The following NXN variants were observed in gnomAD, a reference collection of about 807,000 sequenced individuals.
NXN encodes nucleoredoxin 1.
In NXN, 16 loss-of-function variants were observed where a neutral mutation model predicts 48.6. That is an observed-to-expected ratio of 0.33 (90% CI 0.22 to 0.50). The LOEUF is 0.50. Among genes scored for constraint, NXN ranks in the 20% least tolerant of loss-of-function variants. The probability of loss-of-function intolerance (pLI) is 0.98; values close to 1 mark genes in which losing one functional copy is unlikely to be tolerated. For missense variants in NXN, 492 were observed against 605.5 expected (o/e 0.81, Z 1.97); for synonymous variants, 281 against 269.6 (o/e 1.04, Z -0.41).
At chr17:848,670 C>T (rs981874362) in intron 1 of NXN, among the ~76,000 whole-genome samples, 2 of 152,206 alleles carry the variant, frequency 1.3e-5, no homozygotes, top group Admixed American at 6.5e-5. Context: ...TCAAAGGGGC[C>T]ACCACACGAT....
intron 5 of NXN, among the ~76,000 whole-genome samples, chr17:814,732 T>C (rs1200987706): frequency 1.3e-5 from 2 of 152,080 alleles, no homozygotes; most frequent in Non-Finnish European, 2.9e-5. Context: ...ACGCACTCAA[T>C]ACATCAAATC....
intron 1 of NXN, among the ~76,000 whole-genome samples, chr17:950,006 C>T (rs746399425): frequency 6.6e-6 from 1 of 152,078 alleles, no homozygotes; most frequent in Admixed American, 6.5e-5. Context: ...AATTAGTAGG[C>T]TGAAGACAGC....
intron 1 of NXN, among the ~76,000 whole-genome samples, chr17:931,828 C>T (rs915374251): frequency 2.2e-5 from 2 of 92,090 alleles, no homozygotes; most frequent in Non-Finnish European, 4.3e-5. Flanking sequence ...GAGTAAGACT[C>T]CGTCTCAAAA....
chr17:843,985 CCT>C (rs1461991349), intron 1 of NXN, among the ~76,000 whole-genome samples: 1 of 152,222 alleles, frequency 6.6e-6, no homozygotes, highest in Non-Finnish European at 1.5e-5. Flanking sequence ...ACGGTCATTC[CCT>C]GTCGCTTTGG....
intron 4 of NXN, 39 bp downstream of exon 4, chr17:822,318 C>G: frequency 7.1e-7 from 1 of 1,417,762 alleles, no homozygotes; most frequent in East Asian, 2.3e-5. Flanking sequence ...TGTCAGCTAC[C>G]TACAGAAAAG....
chr17:917,309 T>C lies in NXN; in HGVS notation c.360+62010A>G, dbSNP rs973970347. Reference sequence around the variant, plus strand: ...GGCGCCCGCCACCATGCCCAGCTAATTTTTTGTATTTTTAGTAGAGACGGG... The same window carrying C: ...GGCGCCCGCCACCATGCCCAGCTAACTTTTTGTATTTTTAGTAGAGACGGG... On this transcript the variant is annotated intron_variant, in intron 1 of 7. Coordinates refer to ENST00000336868, the MANE Select transcript of NXN (RefSeq NM_022463.5). The surrounding 1 kb of genome is among the most constrained non-coding windows in gnomAD (Gnocchi z 4.5). 1.1e-4 allele frequency among the ~76,000 whole-genome samples: 16 copies of C among 152,124 alleles called. No homozygotes were observed. The highest frequency in any genetic ancestry group is 1.9e-4 in the Non-Finnish European group (13 of 68,020).
chr17:947,502 G>A (rs553300377), intron 1 of NXN, among the ~76,000 whole-genome samples: 2 of 151,870 alleles, frequency 1.3e-5, no homozygotes, highest in Admixed American at 6.6e-5. Flanking sequence ...GGAGGCCGAG[G>A]TGGGCGGATC....
chr17:875,976 G>T (rs1197711238), intron 1 of NXN, among the ~76,000 whole-genome samples: 1 of 152,076 alleles, frequency 6.6e-6, no homozygotes. Context: ...GAGGTCAGGA[G>T]ATCAAGACCA....
At chr17:928,494 A>G (rs1006478331) in intron 1 of NXN, among the ~76,000 whole-genome samples, 1 of 152,164 alleles carries the variant, frequency 6.6e-6, no homozygotes, top group Non-Finnish European at 1.5e-5. Context: ...TTCTAAAAAG[A>G]TCCATTCTGG....
intron 1 of NXN, among the ~76,000 whole-genome samples, chr17:936,945 G>A (rs1168459213): frequency 1.3e-5 from 2 of 151,984 alleles, no homozygotes; most frequent in East Asian, 1.9e-4. Context: ...GCTCACGCCT[G>A]TAATCCCAGC....
chr17:959,685 T>A (rs1479145108), intron 1 of NXN, among the ~76,000 whole-genome samples: 1 of 151,102 alleles, frequency 6.6e-6, no homozygotes, highest in Admixed American at 6.6e-5. Context: ...TCCCAGCTAC[T>A]CCAGAGGTTG....
At chr17:819,908 G>A (rs529645325) in intron 4 of NXN, among the ~76,000 whole-genome samples, 15 of 152,264 alleles carry the variant, frequency 9.9e-5, no homozygotes, top group Middle Eastern at 3.4e-3. Context: ...ATTTGTGCAC[G>A]GAACAGTGAC....
rs531223053 is a variant in NXN, at chr17:920,375, G to A, written c.360+58944C>T. ...TGTGGCTCTCCTCCCAGCCCCGAGC[G>A]CCTGGGGATACCTAGGCCCTCCTGT... On this transcript the variant is annotated intron_variant, in intron 1 of 7. Coordinates refer to ENST00000336868, the MANE Select transcript of NXN (RefSeq NM_022463.5). The surrounding 1 kb of genome is among the most constrained non-coding windows in gnomAD (Gnocchi z 4.6). Among the ~76,000 whole-genome samples the A allele has an allele frequency of 4.1e-4, 62 of 151,672 alleles. No individual in the cohort carries two copies. In the South Asian group the frequency reaches 4.4e-3, roughly 11 times the overall value.
intron 1 of NXN, among the ~76,000 whole-genome samples, chr17:871,560 A>G (rs1444572183): frequency 6.6e-6 from 1 of 151,476 alleles, no homozygotes; most frequent in East Asian, 2.0e-4. Flanking sequence ...ACGTGCCACC[A>G]TGCCCAGCTA....
rs976215431 is a variant in NXN at position 828,393 on chromosome 17, C to T, written c.361-2315G>A. 1.1e-4 allele frequency among the ~76,000 whole-genome samples: 15 copies of T among 139,348 alleles called. No individual in the cohort carries two copies. In the East Asian group the frequency reaches 1.7e-3, roughly 15 times the overall value. 91.4% of individuals were successfully genotyped at this position (139,348 alleles called of 152,430 possible). A position where few individuals can be genotyped will look rare whatever the true frequency, so the allele number is the denominator to read the frequency against. On this transcript the variant is annotated intron_variant, in intron 1 of 7. Coordinates refer to ENST00000336868, the MANE Select transcript of NXN (RefSeq NM_022463.5). ...TGCTGGGATTACAGGTGTGAGCCAC[C>T]GTGCCTGGCCTTTTTTTTTTTTTTT... is the stretch of plus-strand genomic sequence containing the variant.
Position 874,044 on chromosome 17 carries a change from G to A in NXN, c.361-47966C>T, listed in dbSNP as rs181488800. ...TAGTCCCCATAATCCCACATGTAGTGGGAGGGACCTGGTGGATGGTCATTG... is the reference window on the plus strand; with the variant it reads ...TAGTCCCCATAATCCCACATGTAGTAGGAGGGACCTGGTGGATGGTCATTG... On this transcript the variant is annotated intron_variant, in intron 1 of 7. Transcript: ENST00000336868. Among the ~76,000 whole-genome samples the A allele has an allele frequency of 4.0e-5, 6 of 150,848 alleles. No individual in the cohort carries two copies. The East Asian group carries it at 1.2e-3, about 29-fold the overall frequency.
chr17:805,840 A>C lies in NXN; in HGVS notation c.821-593T>G, dbSNP rs73285769. The stretch of plus-strand genomic sequence containing the variant: ...ACAACAGAGCAAGATTCTGTCTCTA[A>C]ACAAATAAATAAATAAATAAGAACT... On this transcript the variant is annotated intron_variant, in intron 5 of 7. Coordinates refer to ENST00000336868, the MANE Select transcript of NXN (RefSeq NM_022463.5). 7.1e-3 allele frequency among the ~76,000 whole-genome samples: 1,074 copies of C among 151,506 alleles called. 9 individuals are homozygous for C. Among genetic ancestry groups the C allele is most frequent in the African/African-American group, 0.024 (982 of 40,848 alleles).
chr17:846,348 T>C (rs1357295392), intron 1 of NXN, among the ~76,000 whole-genome samples: 1 of 125,594 alleles, frequency 8.0e-6, no homozygotes, highest in African/African-American at 3.1e-5. Flanking sequence ...ACCCGGGAGG[T>C]GGAAGTTGCA....
intron 1 of NXN, among the ~76,000 whole-genome samples, chr17:912,313 GTTGT>G: frequency 6.6e-6 from 1 of 152,120 alleles, no homozygotes; most frequent in Admixed American, 6.6e-5. Flanking sequence ...TCAAACCAAC[GTTGT>G]TTGAGGGTCA....
Sources: gnomAD v4.1 joint callset for allele counts (sites outside exome capture counted in the v4.1 genomes callset) on GRCh38, gnomAD v4.1.1 for gene constraint, Gnocchi (gnomAD v3.1) non-coding constraint, MANE v1.5 for transcripts, NCBI Gene and HGNC (gene_info 2026-07-23, HGNC 2026-07-21) for gene names.